Variants in CNNM2 observed in about 807,000 individuals in gnomAD.
CNNM2 encodes the protein cyclin and CBS domain divalent metal cation transport mediator 2, also known as metal transporter CNNM2.
CNNM2 carries 12 observed loss-of-function variants against 66.9 expected under a neutral mutation model. The ratio of observed to expected loss-of-function variants is 0.18; its 90% CI spans 0.11 to 0.29. The LOEUF (loss-of-function observed/expected upper bound fraction) is 0.29. Among genes scored for constraint, CNNM2 ranks in the 10% least tolerant of loss-of-function variants. The pLI is 1.00. For missense variants in CNNM2, 705 were observed against 1,167.7 expected, an observed-to-expected ratio of 0.60 and a Z score of 5.77; for synonymous variants, 557 against 501.8, an observed-to-expected ratio of 1.11 and a Z score of -1.47.
intron 1 of CNNM2, among the ~76,000 whole-genome samples, chr10:103,007,249 A>G (rs1205146469): frequency 6.6e-6 from 1 of 152,204 alleles, no homozygotes; most frequent in African/African-American, 2.4e-5. Context: ...ACAAGAGAAC[A>G]AAGATCACAT....
intron 1 of CNNM2, among the ~76,000 whole-genome samples, chr10:103,001,971 G>C (rs2064131910): frequency 1.3e-5 from 2 of 152,082 alleles, no homozygotes; most frequent in Non-Finnish European, 2.9e-5. Context: ...GCCCCAGCCT[G>C]GGTGATCAGA....
intron 1 of CNNM2, among the ~76,000 whole-genome samples, chr10:102,945,359 T>G (rs1294739904): frequency 6.6e-6 from 1 of 152,202 alleles, no homozygotes; most frequent in Non-Finnish European, 1.5e-5. Flanking sequence ...GATTCTTATC[T>G]AGTGCTATTT....
At chr10:102,975,731 C>T (rs1170974374) in intron 1 of CNNM2, among the ~76,000 whole-genome samples, 2 of 152,116 alleles carry the variant, frequency 1.3e-5, no homozygotes, top group Non-Finnish European at 2.9e-5. Flanking sequence ...GGCCTCCTTC[C>T]AATTGTAAAA....
intron 5 of CNNM2, among the ~76,000 whole-genome samples, chr10:103,069,272 T>G (rs952189702): frequency 1.3e-5 from 2 of 152,234 alleles, no homozygotes; most frequent in Admixed American, 6.5e-5. Context: ...AATATGTGGC[T>G]TTGAACATTC....
chr10:103,046,396 T>A (rs2065127420), intron 1 of CNNM2, among the ~76,000 whole-genome samples: 1 of 152,226 alleles, frequency 6.6e-6, no homozygotes, highest in South Asian at 2.1e-4. Context: ...GTTATTTATA[T>A]TCTACTGCTC....
intron 1 of CNNM2, among the ~76,000 whole-genome samples, chr10:103,036,783 T>A (rs2064947530): frequency 6.6e-6 from 1 of 152,328 alleles, no homozygotes; most frequent in East Asian, 1.9e-4. Flanking sequence ...GTGAGCTTTT[T>A]AAATATTTGT....
At chr10:102,964,600 G>A (rs894101768) in intron 1 of CNNM2, among the ~76,000 whole-genome samples, 1 of 152,150 alleles carries the variant, frequency 6.6e-6, no homozygotes, top group Non-Finnish European at 1.5e-5. Context: ...AGTTGGCAGA[G>A]CTAGTTACCT....
chr10:103,007,886 T>G (rs2064258951), intron 1 of CNNM2, among the ~76,000 whole-genome samples: 1 of 152,198 alleles, frequency 6.6e-6, no homozygotes, highest in Non-Finnish European at 1.5e-5. Context: ...GTTAAGAAAT[T>G]ATAAAAGTAT....
intron 4 of CNNM2, among the ~76,000 whole-genome samples, chr10:103,065,598 C>G (rs2065462820): frequency 6.6e-6 from 1 of 152,178 alleles, no homozygotes; most frequent in South Asian, 2.1e-4. Flanking sequence ...GGACACAACA[C>G]AAAAGGCCCT....
intron 1 of CNNM2, among the ~76,000 whole-genome samples, chr10:102,960,070 T>A (rs1010799501): frequency 8.6e-5 from 13 of 151,098 alleles, no homozygotes; most frequent in African/African-American, 2.9e-4. Context: ...AAAAAATAAA[T>A]AAATAAATAA....
At chr10:103,039,373 G>A (rs962167630) in intron 1 of CNNM2, among the ~76,000 whole-genome samples, 1 of 152,158 alleles carries the variant, frequency 6.6e-6, no homozygotes, top group Non-Finnish European at 1.5e-5. Context: ...CTGACCTGAG[G>A]TGATCCGCCC....
intron 1 of CNNM2, among the ~76,000 whole-genome samples, chr10:102,973,855 T>G (rs1169804161): frequency 6.9e-6 from 1 of 145,516 alleles, no homozygotes; most frequent in Non-Finnish European, 1.5e-5. Context: ...ATCTTGTATT[T>G]ACTTATTGAA....
At chr10:102,965,631 T>C (rs562281641) in intron 1 of CNNM2, among the ~76,000 whole-genome samples, 6 of 152,332 alleles carry the variant, frequency 3.9e-5, no homozygotes, top group Non-Finnish European at 5.9e-5. Context: ...TCTAAAGTCT[T>C]GAGTCAGCGT....
At chr10:103,040,759 G>A (rs904343787) in intron 1 of CNNM2, among the ~76,000 whole-genome samples, 3 of 152,154 alleles carry the variant, frequency 2.0e-5, no homozygotes, top group Non-Finnish European at 2.9e-5. Flanking sequence ...TTTGAAGGCT[G>A]CTGTCAACCT....
intron 4 of CNNM2, among the ~76,000 whole-genome samples, 188 bp downstream of exon 4, chr10:103,057,152 T>TA (rs1377001593): frequency 1.1e-4 from 16 of 152,304 alleles, no homozygotes; most frequent in Admixed American, 1.0e-3. Flanking sequence ...TGCCAATAGT[T>TA]ACTTTAATTT....
rs555514296 is a variant in CNNM2 at position 102,963,853 on chromosome 10, A to T, written c.1621+43752A>T. On this transcript the variant is annotated intron_variant, in intron 1 of 7. Transcript: ENST00000369878. ...CTTGAGGTGATAAGTGCCCAAAGGG[A>T]CAGGCACAATGTATGTGGAAATTCA... Among the ~76,000 whole-genome samples, 5 of 152,362 alleles carry T rather than the reference A, an allele frequency of 3.3e-5. No homozygotes were observed. In the South Asian group the frequency reaches 1.0e-3, roughly 32 times the overall value.
In CNNM2 at chr10:102,961,158, G is replaced by A. The variant is rs557698634; in HGVS notation, c.1621+41057G>A. ...CTCCCAAAGTGCTGGGATTACAGGT[G>A]TGAGCCACCATACCTGGTTCAACAG... On this transcript the variant is annotated intron_variant, in intron 1 of 7. Transcript: ENST00000369878. Among the ~76,000 whole-genome samples, 7 of 151,762 alleles carry A rather than the reference G, an allele frequency of 4.6e-5. No individual in the cohort carries two copies. The East Asian group carries it at 7.8e-4, about 17-fold the overall frequency.
At chr10:103,013,470 A>G (rs904004193) in intron 1 of CNNM2, among the ~76,000 whole-genome samples, 1 of 152,152 alleles carries the variant, frequency 6.6e-6, no homozygotes, top group African/African-American at 2.4e-5. Flanking sequence ...GAAATCTGCT[A>G]CCTGGTGGGT....
At chr10:102,943,664 G>C (rs1846508061) in intron 1 of CNNM2, among the ~76,000 whole-genome samples, 1 of 152,140 alleles carries the variant, frequency 6.6e-6, no homozygotes, top group Non-Finnish European at 1.5e-5. Flanking sequence ...AGTTTGTAGA[G>C]CTCTTCATAC....
Sources: gnomAD v4.1 joint callset for allele counts (sites outside exome capture counted in the v4.1 genomes callset) on GRCh38, gnomAD v4.1.1 for gene constraint, MANE v1.5 for transcripts, NCBI Gene and HGNC (gene_info 2026-07-23, HGNC 2026-07-21) for gene names.